Variants in ACAP2 observed in about 807,000 individuals in gnomAD.
The protein encoded by ACAP2 is arf-GAP with coiled-coil, ANK repeat and PH domain-containing protein 2.
In ACAP2, 39 loss-of-function variants were observed where a neutral mutation model predicts 115.8. The observed-to-expected ratio is 0.34, with a 90% CI of 0.26 to 0.44. The LOEUF (loss-of-function observed/expected upper bound fraction) is 0.44. Among genes scored for constraint, ACAP2 ranks in the 20% least tolerant of loss-of-function variants. The pLI, the probability that ACAP2 is intolerant of heterozygous loss-of-function variation, is 1.00. For missense variants in ACAP2, 662 were observed against 927.6 expected, an observed-to-expected ratio of 0.71 and a Z score of 3.72; for synonymous variants, 289 against 315.8, an observed-to-expected ratio of 0.92 and a Z score of 0.90.
At chr3:195,297,046 GAAGA>G (rs1351944946) in intron 16 of ACAP2, 140 bp downstream of exon 16, 2 of 673,394 alleles carry the variant, frequency 3.0e-6, no homozygotes, top group African/African-American at 3.6e-5. Flanking sequence ...TTAACATACC[GAAGA>G]AAGAGATAGC....
intron 1 of ACAP2, among the ~76,000 whole-genome samples, chr3:195,437,476 A>G (rs1715631509): frequency 6.6e-6 from 1 of 152,202 alleles, no homozygotes; most frequent in Non-Finnish European, 1.5e-5. Context: ...TAAAAAGTCA[A>G]TTAATCTATC....
chr3:195,375,505 TACAA>T (rs1560301695), intron 4 of ACAP2, among the ~76,000 whole-genome samples: 1 of 36,632 alleles, frequency 2.7e-5, no homozygotes. Flanking sequence ...AAATCAACTG[TACAA>T]AAAAAAAAAA....
intron 1 of ACAP2, among the ~76,000 whole-genome samples, chr3:195,433,553 A>C (rs894419499): frequency 6.6e-6 from 1 of 152,192 alleles, no homozygotes; most frequent in Non-Finnish European, 1.5e-5. Flanking sequence ...GTCCTTCACC[A>C]CTAAATATGA....
chr3:195,285,725 T>C, intron 22 of ACAP2, 71 bp downstream of exon 22: 1 of 1,268,646 alleles, frequency 7.9e-7, no homozygotes. Flanking sequence ...AATCTTCCAG[T>C]TGTAAACTGA....
intron 2 of ACAP2, among the ~76,000 whole-genome samples, chr3:195,385,517 T>A (rs559928296): frequency 6.6e-6 from 1 of 151,960 alleles, no homozygotes; most frequent in African/African-American, 2.4e-5. Context: ...GATACTTTTA[T>A]TATTCAAAGA....
At chr3:195,375,290 T>A (rs1489261240) in intron 4 of ACAP2, among the ~76,000 whole-genome samples, 2 of 152,122 alleles carry the variant, frequency 1.3e-5, no homozygotes, top group African/African-American at 2.4e-5. Context: ...AAAAATATAA[T>A]TCCATTAAAA....
At chr3:195,362,188 T>C (rs1732414408) in intron 4 of ACAP2, among the ~76,000 whole-genome samples, 1 of 151,834 alleles carries the variant, frequency 6.6e-6, no homozygotes, top group Non-Finnish European at 1.5e-5. Flanking sequence ...TGGTGGCACT[T>C]GCCTGTAATC....
At chr3:195,283,527 AG>A (rs1726643651) in intron 22 of ACAP2, among the ~76,000 whole-genome samples, 1 of 152,256 alleles carries the variant, frequency 6.6e-6, no homozygotes, top group East Asian at 1.9e-4. Flanking sequence ...AAACCAAAAA[AG>A]GATCTCAATA....
At chr3:195,368,934 A>C (rs1197674128) in intron 4 of ACAP2, among the ~76,000 whole-genome samples, 1 of 152,176 alleles carries the variant, frequency 6.6e-6, no homozygotes, top group Non-Finnish European at 1.5e-5. Flanking sequence ...AAATACAAAA[A>C]TTAGCTGGGC....
At chr3:195,333,213 A>T in intron 7 of ACAP2, 90 bp from the exon 8 acceptor site, 1 of 614,662 alleles carries the variant, frequency 1.6e-6, no homozygotes, top group East Asian at 5.5e-5. Flanking sequence ...TATATAAAAG[A>T]CAGGGTCTTG....
intron 1 of ACAP2, among the ~76,000 whole-genome samples, chr3:195,421,716 C>T (rs189073151): frequency 1.3e-3 from 191 of 152,280 alleles, no homozygotes; most frequent in African/African-American, 4.4e-3. Context: ...CGGAAGTTTT[C>T]TATTGTCACA....
chr3:195,340,516 G>C (rs1046380717), intron 6 of ACAP2, among the ~76,000 whole-genome samples: 5 of 152,040 alleles, frequency 3.3e-5, no homozygotes, highest in African/African-American at 1.2e-4. Context: ...TAAAACCAAA[G>C]ATGAAACCCT....
intron 1 of ACAP2, among the ~76,000 whole-genome samples, chr3:195,394,826 A>C (rs1452355541): frequency 6.6e-6 from 1 of 151,710 alleles, no homozygotes; most frequent in East Asian, 1.9e-4. Context: ...AGCCCGGAGG[A>C]TTGCTTTATT....
At chr3:195,381,138 A>C in intron 3 of ACAP2, 76 bp from the exon 4 acceptor site, 1 of 1,073,630 alleles carries the variant, frequency 9.3e-7, no homozygotes, top group South Asian at 1.4e-5. Context: ...TGACCTCAGA[A>C]TTTCTGACAG....
chr3:195,358,681 A>G (rs777330127), intron 4 of ACAP2, among the ~76,000 whole-genome samples: 28 of 152,074 alleles, frequency 1.8e-4, no homozygotes, highest in Non-Finnish European at 3.4e-4. Context: ...CAGAGAAGAA[A>G]AAAGAATAAA....
chr3:195,336,749 A>G, intron 7 of ACAP2, 183 bp downstream of exon 7: 1 of 604,608 alleles, frequency 1.7e-6, no homozygotes. Context: ...AGACACACAA[A>G]CAACTGTAAC....
intron 16 of ACAP2, among the ~76,000 whole-genome samples, 168 bp from the exon 17 acceptor site, chr3:195,296,060 T>C (rs1372898105): frequency 1.3e-5 from 2 of 152,154 alleles, no homozygotes; most frequent in Non-Finnish European, 2.9e-5. Flanking sequence ...CCCTTCCAAA[T>C]ACCTAATGAA....
chr3:195,422,875 T>C (rs148241127), intron 1 of ACAP2, among the ~76,000 whole-genome samples: 1 of 152,286 alleles, frequency 6.6e-6, no homozygotes, highest in Non-Finnish European at 1.5e-5. Context: ...GGCTCCACCA[T>C]AATCCAAATT....
intron 1 of ACAP2, among the ~76,000 whole-genome samples, chr3:195,414,561 G>A (rs1290259455): frequency 6.6e-6 from 1 of 152,188 alleles, no homozygotes; most frequent in African/African-American, 2.4e-5. Flanking sequence ...AATGGATAAG[G>A]TGTGTACATC....
Sources: gnomAD v4.1 joint callset for allele counts (sites outside exome capture counted in the v4.1 genomes callset) on GRCh38, gnomAD v4.1.1 for gene constraint, MANE v1.5 for transcripts, NCBI Gene and HGNC (gene_info 2026-07-23, HGNC 2026-07-21) for gene names.